MGST2: variants seen among roughly 807,000 people sequenced by gnomAD.
MGST2 encodes the protein glutathione peroxidase MGST2.
Under a neutral mutation model 16.6 loss-of-function variants are expected in MGST2, and 9 were observed. The observed-to-expected ratio is 0.54, with a 90% CI of 0.33 to 0.95. MGST2 has a LOEUF of 0.95. Among genes scored for constraint, MGST2 ranks in the 40% least tolerant of loss-of-function variants. The pLI is 0.03. For synonymous variants in MGST2, 79 were observed against 68.0 expected (o/e 1.16, Z -0.79); for missense variants, 159 against 175.1 (o/e 0.91, Z 0.52).
chr4:139,723,484 G>A (rs1728341946), intron 5 of MGST2, among the ~76,000 whole-genome samples: 1 of 152,122 alleles, frequency 6.6e-6, no homozygotes, highest in Non-Finnish European at 1.5e-5. Context: ...CTAATTTTTT[G>A]TATTTTTAGT....
intron 5 of MGST2, among the ~76,000 whole-genome samples, chr4:139,731,866 T>C (rs1407804301): frequency 6.6e-6 from 1 of 152,060 alleles, no homozygotes; most frequent in Non-Finnish European, 1.5e-5. Flanking sequence ...GGGAAAACAG[T>C]GAATGGGAAG....
At chr4:139,690,587 A>G (rs1003178867) in intron 2 of MGST2, among the ~76,000 whole-genome samples, 4 of 152,244 alleles carry the variant, frequency 2.6e-5, no homozygotes, top group East Asian at 1.9e-4. Context: ...GTCTGGTCCT[A>G]TGTGGGAGCT....
chr4:139,753,341 AATCTATCTATCTATCTATCT>A, the MGST2 span, among the ~76,000 whole-genome samples: 1 of 146,578 alleles, frequency 6.8e-6, no homozygotes, highest in African/African-American at 2.5e-5. Context: ...TTTTCTTTTT[AATCTATCTATCTATCTATCT>A]ATCTATCTAT....
intron 5 of MGST2, chr4:139,730,576 G>T: frequency 6.2e-7 from 1 of 1,605,620 alleles, no homozygotes; most frequent in East Asian, 2.2e-5. Context: ...GGGGCCTGCG[G>T]GACTGGCTCC....
At chr4:139,724,852 G>A (rs1054660152) in intron 5 of MGST2, among the ~76,000 whole-genome samples, 6 of 149,740 alleles carry the variant, frequency 4.0e-5, no homozygotes, top group Non-Finnish European at 4.4e-5. Context: ...TCCACCTCCC[G>A]GGTTCAAGCG....
chr4:139,730,405 G>T, intron 5 of MGST2: 1 of 1,547,410 alleles, frequency 6.5e-7, no homozygotes, highest in Non-Finnish European at 8.7e-7. Context: ...TCACGCCAAG[G>T]GGCATGTTAC....
chr4:139,742,149 CTT>C (rs67056013), downstream of MGST2, among the ~76,000 whole-genome samples: 415 of 113,634 alleles, frequency 3.7e-3, 1 homozygote, highest in African/African-American at 9.1e-3. Flanking sequence ...CTTTTCTTTT[CTT>C]TTTTTTTTTT....
intron 5 of MGST2, among the ~76,000 whole-genome samples, chr4:139,736,968 T>C (rs1728969681): frequency 1.3e-5 from 2 of 152,290 alleles, no homozygotes; most frequent in Non-Finnish European, 2.9e-5. Flanking sequence ...CCAGTGATGT[T>C]TGCAATGCAA....
downstream of MGST2, among the ~76,000 whole-genome samples, chr4:139,704,878 C>T (rs945217948): frequency 5.3e-5 from 8 of 151,972 alleles, no homozygotes; most frequent in Admixed American, 1.3e-4. Context: ...GCCAAGATCG[C>T]GCCACTGCAC....
intron 2 of MGST2, among the ~76,000 whole-genome samples, chr4:139,692,763 C>T (rs1430716230): frequency 6.6e-6 from 1 of 152,200 alleles, no homozygotes; most frequent in Non-Finnish European, 1.5e-5. Flanking sequence ...AGGCCTTCTT[C>T]CTCTTTCAGA....
intron 2 of MGST2, among the ~76,000 whole-genome samples, chr4:139,685,928 T>A (rs974577363): frequency 6.6e-6 from 1 of 152,000 alleles, no homozygotes; most frequent in Non-Finnish European, 1.5e-5. Context: ...CCTCCCAAAG[T>A]GCTGGGATTA....
intron 5 of MGST2, among the ~76,000 whole-genome samples, chr4:139,716,398 A>G (rs915597264): frequency 1.3e-5 from 2 of 152,160 alleles, no homozygotes; most frequent in African/African-American, 4.8e-5. Context: ...TTTTTTGACA[A>G]AAATATTTAT....
chr4:139,729,295 C>T (rs1437628857), intron 5 of MGST2, among the ~76,000 whole-genome samples: 2 of 151,910 alleles, frequency 1.3e-5, no homozygotes, highest in Admixed American at 1.3e-4. Context: ...GTGTCCTACA[C>T]AGGATACACG....
intron 5 of MGST2, among the ~76,000 whole-genome samples, chr4:139,725,277 A>G (rs1014912984): frequency 7.9e-5 from 12 of 152,200 alleles, no homozygotes; most frequent in African/African-American, 2.9e-4. Flanking sequence ...AGATTCTTCC[A>G]CTTCAGCTTT....
At chr4:139,667,206 C>T (rs8192012) in intron 1 of MGST2, among the ~76,000 whole-genome samples, 252 of 152,236 alleles carry the variant, frequency 1.7e-3, no homozygotes, top group African/African-American at 5.8e-3. Context: ...AGGAAAGCGA[C>T]TCCCAGAAAA....
chr4:139,750,456 C>A, the MGST2 span, among the ~76,000 whole-genome samples: 10 of 152,172 alleles, frequency 6.6e-5, no homozygotes, highest in Admixed American at 1.3e-4. Context: ...TAGAAATGGC[C>A]TTTGGTGCAG....
chr4:139,678,694 CA>C (rs770706085), intron 2 of MGST2, 52 bp downstream of exon 2: 29 of 1,350,820 alleles, frequency 2.1e-5, no homozygotes, highest in Non-Finnish European at 3.1e-5. Flanking sequence ...CATACAGACA[CA>C]ATTCCTGACT....
At chr4:139,718,527 G>C (rs963779785) in intron 5 of MGST2, 16 of 152,340 alleles carry the variant, frequency 1.1e-4, no homozygotes, top group African/African-American at 3.6e-4. Flanking sequence ...TGGATGTATG[G>C]GTTTTGTATT....
intron 1 of MGST2, among the ~76,000 whole-genome samples, chr4:139,677,217 G>T (rs1245846826): frequency 1.3e-5 from 2 of 151,754 alleles, no homozygotes; most frequent in Non-Finnish European, 2.9e-5. Flanking sequence ...TCAAGGTTAA[G>T]GACATGCCCG....
Sources: gnomAD v4.1 joint callset for allele counts (sites outside exome capture counted in the v4.1 genomes callset) on GRCh38, gnomAD v4.1.1 for gene constraint, MANE v1.5 for transcripts, NCBI Gene and HGNC (gene_info 2026-07-23, HGNC 2026-07-21) for gene names.